DTNBP1: variants seen among roughly 807,000 people sequenced by gnomAD.
The protein encoded by DTNBP1 is dystrobrevin binding protein 1.
DTNBP1 carries 35 observed loss-of-function variants against 42.8 expected under a neutral mutation model. That is an observed-to-expected ratio of 0.82 (90% CI 0.63 to 1.09). DTNBP1 has a LOEUF of 1.09. Among genes scored for constraint, DTNBP1 ranks in the 50% least tolerant of loss-of-function variants. The pLI, the probability that DTNBP1 is intolerant of heterozygous loss-of-function variation, is 0.00. For synonymous variants in DTNBP1, 171 were observed against 162.2 expected (o/e 1.05, Z -0.41); for missense variants, 457 against 424.2 (o/e 1.08, Z -0.68).
chr6:15,634,169 T>C (rs570571596), intron 4 of DTNBP1, among the ~76,000 whole-genome samples: 38 of 152,286 alleles, frequency 2.5e-4, no homozygotes, highest in African/African-American at 8.9e-4. Context: ...CCCTTTAGAT[T>C]AATCTAGATT....
intron 5 of DTNBP1, among the ~76,000 whole-genome samples, chr6:15,619,631 G>T (rs1211041527): frequency 6.6e-6 from 1 of 151,952 alleles, no homozygotes; most frequent in Non-Finnish European, 1.5e-5. Context: ...TCCTGAATGA[G>T]ACCTTGGAAC....
At chr6:15,526,186 C>T (rs4712253) in intron 8 of DTNBP1, among the ~76,000 whole-genome samples, 62,748 of 151,966 alleles carry the variant, frequency 0.41, 13,042 homozygotes, top group Middle Eastern at 0.5. Flanking sequence ...AGAAGAAACA[C>T]GTCATTATGA....
intron 3 of DTNBP1, among the ~76,000 whole-genome samples, chr6:15,644,815 A>C (rs2743861): frequency 0.13 from 19,617 of 151,970 alleles, 1,601 homozygotes; most frequent in African/African-American, 0.23. Context: ...GTGCTCCATG[A>C]CTACACCAAA....
chr6:15,651,072 T>A (rs1760965748), intron 3 of DTNBP1, among the ~76,000 whole-genome samples: 1 of 152,212 alleles, frequency 6.6e-6, no homozygotes, highest in Non-Finnish European at 1.5e-5. Flanking sequence ...GCCGTACATA[T>A]TATCATAAAG....
intron 5 of DTNBP1, among the ~76,000 whole-genome samples, chr6:15,623,619 T>G (rs1336224332): frequency 6.6e-6 from 1 of 152,160 alleles, no homozygotes; most frequent in Admixed American, 6.5e-5. Context: ...AAGGGAACAG[T>G]CTTTTAAAAA....
chr6:15,662,968 C>T lies in DTNBP1; in HGVS notation c.-99G>A, dbSNP rs1423055200. On this transcript the variant is annotated 5_prime_UTR_variant, in exon 1 of 10. Transcript: ENST00000344537. ...GCCAACCCCGCGCTGTCACCGCGCG[C>T]CCCGCACTCCCACTACCGGCCCCGC... 6.6e-7 allele frequency: 1 copy of T among 1,520,676 alleles called. No homozygotes were observed. Among genetic ancestry groups the T allele is most frequent in the South Asian group, 1.1e-5 (1 of 89,020 alleles). 94.2% of individuals were successfully genotyped at this position (1,520,676 alleles called of 1,614,324 possible). A position where few individuals can be genotyped will look rare whatever the true frequency, so the allele number is the denominator to read the frequency against.
chr6:15,578,771 A>AT (rs1775691399), intron 7 of DTNBP1, among the ~76,000 whole-genome samples: 1 of 152,212 alleles, frequency 6.6e-6, no homozygotes, highest in Non-Finnish European at 1.5e-5. Context: ...AAAAATATTC[A>AT]TTTGATGCCC....
At chr6:15,553,703 C>T (rs575945619) in intron 7 of DTNBP1, among the ~76,000 whole-genome samples, 1 of 145,700 alleles carries the variant, frequency 6.9e-6, no homozygotes, top group South Asian at 2.2e-4. Context: ...ATTCTTAAGT[C>T]GTTTTCATTT....
rs964798053 is a variant in DTNBP1 at position 15,585,157 on chromosome 6, A to G, written c.511+7902T>C. On this transcript the variant is annotated intron_variant, in intron 7 of 9. Coordinates refer to ENST00000344537, the MANE Select transcript of DTNBP1 (RefSeq NM_032122.5). ...ATGACATTTTTCAAAATCCATATTG[A>G]AAATCAGCCATTTTAGATAAATCCA... Among the ~76,000 whole-genome samples, 3 of 147,592 alleles carry G rather than the reference A, an allele frequency of 2.0e-5. No homozygotes were observed. In the Admixed American group the frequency reaches 2.0e-4, roughly 10 times the overall value.
chr6:15,645,816 C>T (rs1343888354), intron 3 of DTNBP1, among the ~76,000 whole-genome samples: 3 of 152,028 alleles, frequency 2.0e-5, no homozygotes, highest in African/African-American at 7.2e-5. Context: ...ATATGACAAA[C>T]CCACAGTCAA....
chr6:15,652,538 C>CA (rs1476017192), intron 1 of DTNBP1, among the ~76,000 whole-genome samples: 1 of 146,728 alleles, frequency 6.8e-6, no homozygotes, highest in Non-Finnish European at 1.5e-5. Context: ...AGATAAGCTA[C>CA]TTTTTTTTTT....
chr6:15,593,975 T>C (rs1776401481), intron 6 of DTNBP1, among the ~76,000 whole-genome samples: 1 of 152,168 alleles, frequency 6.6e-6, no homozygotes, highest in African/African-American at 2.4e-5. Context: ...CTGACTACAC[T>C]CAACAGCTGC....
intron 3 of DTNBP1, among the ~76,000 whole-genome samples, chr6:15,647,215 G>C (rs1760739107): frequency 6.6e-6 from 1 of 151,778 alleles, no homozygotes; most frequent in East Asian, 1.9e-4. Flanking sequence ...CTCAAATGAA[G>C]ACATATAAGA....
At chr6:15,531,485 CA>C (rs1167513771) in intron 8 of DTNBP1, among the ~76,000 whole-genome samples, 2 of 152,172 alleles carry the variant, frequency 1.3e-5, no homozygotes, top group Non-Finnish European at 2.9e-5. Context: ...TGTTAAGCTT[CA>C]AATCTATACT....
At chr6:15,638,339 G>A (rs2113770663) in intron 3 of DTNBP1, among the ~76,000 whole-genome samples, 1 of 152,096 alleles carries the variant, frequency 6.6e-6, no homozygotes, top group Admixed American at 6.5e-5. Flanking sequence ...CATTGGCCAG[G>A]CTGGTCTCGA....
chr6:15,660,720 A>G (rs2619516), intron 1 of DTNBP1, among the ~76,000 whole-genome samples: 19,234 of 152,146 alleles, frequency 0.13, 1,540 homozygotes, highest in African/African-American at 0.23. Flanking sequence ...TTTGTGCCCC[A>G]GCAGTCCAGA....
In DTNBP1 at chr6:15,615,457, T is replaced by C. The variant is rs949581845; in HGVS notation, c.356-58A>G. 7 of 1,596,754 alleles carry C rather than the reference T, an allele frequency of 4.4e-6. No individual in the cohort carries two copies. The South Asian group carries it at 5.5e-5, about 13-fold the overall frequency. On this transcript the variant is annotated intron_variant, in intron 5 of 9. Transcript: ENST00000344537. ...AGTCAGAATCCTCAATCATGATGAA[T>C]ACAAAAAGTATCAAAAAGGTAAAAG...
Position 15,524,456 on chromosome 6 carries a change from C to T in DTNBP1, c.811+70G>A, listed in dbSNP as rs141441189. The T allele has an allele frequency of 8.8e-5, 142 of 1,613,898 alleles. 1 individual carries two copies. The highest frequency in any genetic ancestry group is 8.2e-4 in the South Asian group (75 of 91,070). ...GTAAGTGACTGGCAGATGGTTCTCA[C>T]GTCTCACCTTTGGAGGGGAGTGGCA... On this transcript the variant is annotated intron_variant, in intron 9 of 9. Transcript: ENST00000344537.
rs118188408 is a variant in DTNBP1 at position 15,552,774 on chromosome 6, C to T, written c.512-19379G>A. 3.8e-4 allele frequency among the ~76,000 whole-genome samples: 58 copies of T among 152,328 alleles called. No individual in the cohort carries two copies. The East Asian group carries it at 0.011, about 28-fold the overall frequency. Reference sequence around the variant, plus strand: ...TGATAATGTCCTTTTCATGAACTCTCCTGATAACACATGTTGATATTCCTT... The same window carrying T: ...TGATAATGTCCTTTTCATGAACTCTTCTGATAACACATGTTGATATTCCTT... On this transcript the variant is annotated intron_variant, in intron 7 of 9. Coordinates refer to ENST00000344537, the MANE Select transcript of DTNBP1 (RefSeq NM_032122.5).
Sources: allele counts gnomAD v4.1 joint callset (sites outside exome capture counted in the v4.1 genomes callset), GRCh38; gene constraint gnomAD v4.1.1; transcripts MANE v1.5; gene names NCBI Gene and HGNC (gene_info 2026-07-23, HGNC 2026-07-21).